The following ZFP64 variants were observed in gnomAD, a reference collection of about 807,000 sequenced individuals.
ZFP64 encodes the protein zinc finger protein 64.
ZFP64 carries 14 observed loss-of-function variants against 51.6 expected under a neutral mutation model. The observed-to-expected ratio is 0.27, with a 90% confidence interval of 0.18 to 0.42. The LOEUF is 0.42. Ranked by LOEUF, ZFP64 falls within the 10% of genes least tolerant of loss-of-function variation. The pLI is 1.00. For missense variants in ZFP64, 754 were observed against 906.8 expected, an observed-to-expected ratio of 0.83 and a Z score of 2.16; for synonymous variants, 375 against 361.4, an observed-to-expected ratio of 1.04 and a Z score of -0.43.
At chr20:52,159,506 T>G (rs1472298780) in intron 5 of ZFP64, among the ~76,000 whole-genome samples, 1 of 152,230 alleles carries the variant, frequency 6.6e-6, no homozygotes, top group Non-Finnish European at 1.5e-5. Flanking sequence ...ATAAACTTCA[T>G]GATTTTCCCC....
intron 5 of ZFP64, among the ~76,000 whole-genome samples, chr20:52,113,458 C>G (rs533816387): frequency 1.6e-5 from 2 of 127,228 alleles, no homozygotes; most frequent in East Asian, 4.4e-4. Context: ...GACCAAGTCT[C>G]GCTCTGGTGC....
intron 2 of ZFP64, among the ~76,000 whole-genome samples, chr20:52,171,756 T>C (rs28755917): frequency 2.0e-4 from 16 of 78,168 alleles, no homozygotes; most frequent in African/African-American, 4.8e-4. Context: ...TCCCCAATTT[T>C]TTTTTTTTTG....
intron 2 of ZFP64, among the ~76,000 whole-genome samples, chr20:52,166,401 A>C (rs1473844264): frequency 6.6e-6 from 1 of 151,994 alleles, no homozygotes; most frequent in Non-Finnish European, 1.5e-5. Context: ...ATAAGGGTAA[A>C]CATGGAAATC....
chr20:52,127,869 A>C (rs1271435497), intron 5 of ZFP64, among the ~76,000 whole-genome samples: 1 of 152,212 alleles, frequency 6.6e-6, no homozygotes, highest in Non-Finnish European at 1.5e-5. Flanking sequence ...TAAGTTGAGG[A>C]TATTCACTGG....
chr20:52,105,417 C>T (rs969460696), intron 5 of ZFP64: 46 of 1,211,800 alleles, frequency 3.8e-5, no homozygotes, highest in Non-Finnish European at 4.4e-5. Flanking sequence ...GAGCCAAGAC[C>T]CCAGGAGTCC....
chr20:52,115,803 C>G (rs867338355), intron 5 of ZFP64, among the ~76,000 whole-genome samples: 63 of 147,244 alleles, frequency 4.3e-4, no homozygotes, highest in East Asian at 2.2e-3. Context: ...CTCTCTCTCT[C>G]TGTGTGTGTG....
Position 52,160,664 on chromosome 20 carries a change from C to T in ZFP64, c.512-290G>A, listed in dbSNP as rs6021762. ...CAATTAAAATTTTAAAGTATAGGTACGTAAAATAGTAACAGTTTTGTTAAT... is the reference window on the plus strand; with the variant it reads ...CAATTAAAATTTTAAAGTATAGGTATGTAAAATAGTAACAGTTTTGTTAAT... On this transcript the variant is annotated intron_variant, in intron 4 of 5. Transcript: ENST00000216923. This position sits in a 1 kb window ranked among gnomAD's most constrained non-coding sequence, Gnocchi z 4.2. Among the ~76,000 whole-genome samples the T allele has an allele frequency of 0.031, 4,682 of 152,066 alleles. 231 individuals carry two copies. The highest frequency in any genetic ancestry group is 0.11 in the African/African-American group (4,437 of 41,488).
At chr20:52,093,837 C>T (rs1273868401) in intron 7 of ZFP64, among the ~76,000 whole-genome samples, 1 of 152,172 alleles carries the variant, frequency 6.6e-6, no homozygotes. Flanking sequence ...TGGGTTCCTG[C>T]ATTTTGATCT....
intron 3 of ZFP64, chr20:52,165,154 G>A: frequency 2.2e-6 from 1 of 459,726 alleles, no homozygotes; most frequent in South Asian, 1.5e-5. Context: ...GGGGAAAAAT[G>A]TCATTCTTTT....
At chr20:52,149,659 A>G (rs760272702), downstream of ZFP64, among the ~76,000 whole-genome samples, 23 of 152,144 alleles carry the variant, frequency 1.5e-4, no homozygotes, top group Non-Finnish European at 3.2e-4. Flanking sequence ...TCTGTGTATA[A>G]TTTATTCCAA....
intron 5 of ZFP64, among the ~76,000 whole-genome samples, chr20:52,146,220 C>A (rs1980519409): frequency 1.3e-5 from 2 of 152,026 alleles, no homozygotes; most frequent in African/African-American, 4.8e-5. Flanking sequence ...CCCAGCCATC[C>A]CATGCTGGGT....
intron 2 of ZFP64, among the ~76,000 whole-genome samples, chr20:52,168,180 G>A (rs1012492850): frequency 3.9e-5 from 6 of 152,010 alleles, no homozygotes; most frequent in Admixed American, 3.3e-4. Context: ...TCAGCATTTG[G>A]TATTTGAGTA....
intron 2 of ZFP64, among the ~76,000 whole-genome samples, chr20:52,182,979 G>A (rs976231146): frequency 1.3e-5 from 2 of 152,090 alleles, no homozygotes; most frequent in African/African-American, 2.4e-5. Context: ...AGAGTGAGAC[G>A]TGCAGGGAAG....
At chr20:52,121,442 G>A (rs796719891) in intron 5 of ZFP64, among the ~76,000 whole-genome samples, 13 of 152,322 alleles carry the variant, frequency 8.5e-5, no homozygotes, top group African/African-American at 3.1e-4. Context: ...TTAGTCATCT[G>A]GACGGAGGGT....
chr20:52,089,156 C>A (rs912434305), intron 7 of ZFP64: 2 of 401,872 alleles, frequency 5.0e-6, no homozygotes, highest in Admixed American at 6.2e-5. Context: ...TTCCATCCAG[C>A]CATGTTTCAT....
At chr20:52,128,323 T>C (rs1346539746) in intron 5 of ZFP64, among the ~76,000 whole-genome samples, 2 of 152,198 alleles carry the variant, frequency 1.3e-5, no homozygotes, top group Non-Finnish European at 1.5e-5. Flanking sequence ...TGATATTCCA[T>C]TGGCCAAAGC....
intron 5 of ZFP64, among the ~76,000 whole-genome samples, chr20:52,157,243 A>G (rs940169211): frequency 6.6e-6 from 1 of 152,216 alleles, no homozygotes; most frequent in Non-Finnish European, 1.5e-5. Context: ...AACCCACAGA[A>G]GGTTAAATGC....
chr20:52,180,101 G>A (rs1983507303), intron 2 of ZFP64, among the ~76,000 whole-genome samples: 1 of 152,174 alleles, frequency 6.6e-6, no homozygotes. Flanking sequence ...GGTGTTTTAT[G>A]AAACTGTGAA....
chr20:52,178,793 CCT>C (rs1243702036), intron 2 of ZFP64, among the ~76,000 whole-genome samples: 4 of 152,136 alleles, frequency 2.6e-5, no homozygotes, highest in South Asian at 2.1e-4. Flanking sequence ...AGTTCTCCCC[CCT>C]GACTTTCCCA....
Sources: gnomAD v4.1 joint callset for allele counts (sites outside exome capture counted in the v4.1 genomes callset) on GRCh38, gnomAD v4.1.1 for gene constraint, Gnocchi (gnomAD v3.1) non-coding constraint, MANE v1.5 for transcripts, NCBI Gene and HGNC (gene_info 2026-07-23, HGNC 2026-07-21) for gene names.